ASIC2: variants seen among roughly 807,000 people sequenced by gnomAD.
ASIC2 encodes acid sensing ion channel subunit 2.
Under a neutral mutation model 57.3 loss-of-function variants are expected in ASIC2, and 25 were observed. That is an observed-to-expected ratio of 0.44 (90% CI 0.32 to 0.61). The LOEUF is 0.61. Among genes scored for constraint, ASIC2 ranks in the 20% least tolerant of loss-of-function variants. The pLI is 0.06. For missense variants in ASIC2, 641 were observed against 738.1 expected (o/e 0.87, Z 1.52); for synonymous variants, 319 against 307.5 (o/e 1.04, Z -0.39).
At chr17:33,824,260 C>T (rs200808904) in intron 1 of ASIC2, among the ~76,000 whole-genome samples, 3 of 152,098 alleles carry the variant, frequency 2.0e-5, no homozygotes, top group South Asian at 2.1e-4. Context: ...TAGGTAACTC[C>T]GTGTCCTTCA....
At chr17:33,854,987 C>T (rs141761917) in intron 1 of ASIC2, among the ~76,000 whole-genome samples, 40 of 152,266 alleles carry the variant, frequency 2.6e-4, no homozygotes, top group African/African-American at 9.4e-4. Flanking sequence ...CTGCTAGGGG[C>T]CAACTGAGTT....
At chr17:34,062,518 G>T (rs1164242152) in intron 1 of ASIC2, among the ~76,000 whole-genome samples, 2 of 152,026 alleles carry the variant, frequency 1.3e-5, no homozygotes, top group Admixed American at 6.5e-5. Context: ...AAATAACCAA[G>T]ATCAGAGCAG....
intron 1 of ASIC2, among the ~76,000 whole-genome samples, chr17:33,567,235 G>A (rs1490721024): frequency 6.6e-6 from 1 of 152,046 alleles, no homozygotes; most frequent in Admixed American, 6.5e-5. Context: ...GCCTTATGAA[G>A]GTCTGAGAGA....
chr17:34,131,828 G>A (rs1000037537), intron 1 of ASIC2, among the ~76,000 whole-genome samples: 4 of 152,218 alleles, frequency 2.6e-5, no homozygotes, highest in African/African-American at 9.7e-5. Flanking sequence ...GCCCTGAAAG[G>A]TCTGAGAATC....
chr17:33,264,543 C>T (rs1909394102), intron 1 of ASIC2, among the ~76,000 whole-genome samples: 1 of 152,254 alleles, frequency 6.6e-6, no homozygotes, highest in Non-Finnish European at 1.5e-5. Flanking sequence ...CACTGCATCC[C>T]ATACCAGGCC....
intron 1 of ASIC2, among the ~76,000 whole-genome samples, chr17:34,129,547 A>G (rs1264524829): frequency 6.6e-6 from 1 of 152,162 alleles, no homozygotes; most frequent in African/African-American, 2.4e-5. Context: ...AATTCCCAAA[A>G]TTATTCTCTA....
At position 33,833,513 on chromosome 17, in the gene ASIC2, C is replaced by CGT. The variant is rs142945917; in HGVS notation, c.555+322463_555+322464dup. The stretch of plus-strand genomic sequence containing the variant: ...CTTTGTCTGTGTGTGTGTGTATGTG[C>CGT]GTGTGTGTGTGTGTGTACCTATGTG... On this transcript the variant is annotated intron_variant, in intron 1 of 9. Coordinates refer to the ASIC2 transcript ENST00000359872. Among the ~76,000 whole-genome samples, 1,098 of 149,290 alleles carry CGT rather than the reference C, an allele frequency of 7.4e-3. 14 individuals are homozygous for CGT. The highest frequency in any genetic ancestry group is 0.025 in the African/African-American group (1,025 of 40,886).
intron 1 of ASIC2, among the ~76,000 whole-genome samples, chr17:33,715,109 C>T (rs902455567): frequency 6.6e-6 from 1 of 151,966 alleles, no homozygotes; most frequent in Non-Finnish European, 1.5e-5. Flanking sequence ...AAGTGATCCT[C>T]TTGCCTCAGC....
In ASIC2 at chr17:33,291,672, C is replaced by T. The variant is rs753539011; in HGVS notation, c.444G>A (p.Lys148=). The change falls in exon 1 of 10, where the codon AAG becomes AAA. Residue 148 remains lysine, a synonymous_variant. Coordinates refer to ENST00000225823, the MANE Select transcript of ASIC2 (RefSeq NM_183377.2). ...NNPLRFPRLS[K]GDLYYAGHWL... is the part of the protein sequence containing the mutation. ...AGTGGCCGGCATAGTAGAGGTCCCC[C>T]TTGGAGAGGCGCGGGAAGCGCAGCG... 8 of 1,613,312 alleles carry T rather than the reference C, an allele frequency of 5.0e-6. No individual in the cohort carries two copies. The Admixed American group carries it at 1.0e-4, about 20-fold the overall frequency.
chr17:33,848,313 G>A (rs1433882444), intron 1 of ASIC2, among the ~76,000 whole-genome samples: 2 of 152,200 alleles, frequency 1.3e-5, no homozygotes, highest in African/African-American at 2.4e-5. Flanking sequence ...AGGTTACCCA[G>A]TGGGGCATCC....
intron 3 of ASIC2, among the ~76,000 whole-genome samples, chr17:33,058,746 C>T (rs544062410): frequency 6.6e-6 from 1 of 152,206 alleles, no homozygotes; most frequent in Admixed American, 6.5e-5. Flanking sequence ...CTCATTACCC[C>T]TGATGCAGTC....
At chr17:34,042,357 A>C (rs1422846575) in intron 1 of ASIC2, among the ~76,000 whole-genome samples, 1 of 152,206 alleles carries the variant, frequency 6.6e-6, no homozygotes. Flanking sequence ...AAACAATAGA[A>C]TACTACTCAA....
At chr17:34,131,109 AG>A (rs143827258) in intron 1 of ASIC2, among the ~76,000 whole-genome samples, 17,587 of 152,222 alleles carry the variant, frequency 0.12, 1,123 homozygotes, top group African/African-American at 0.16. Context: ...CAGTGGGGAA[AG>A]AAAGCCTTCG....
intron 1 of ASIC2, among the ~76,000 whole-genome samples, chr17:33,610,782 A>C (rs953500597): frequency 1.3e-5 from 2 of 152,288 alleles, no homozygotes; most frequent in South Asian, 2.1e-4. Context: ...GTAGTACCAG[A>C]TCCTTGGGAG....
At chr17:33,619,788 T>G (rs1905721797) in intron 1 of ASIC2, among the ~76,000 whole-genome samples, 1 of 152,100 alleles carries the variant, frequency 6.6e-6, no homozygotes, top group Admixed American at 6.5e-5. Flanking sequence ...TTGATGACCT[T>G]TTCTGTGATG....
At chr17:33,346,183 T>C (rs1187763235) in intron 1 of ASIC2, among the ~76,000 whole-genome samples, 2 of 133,858 alleles carry the variant, frequency 1.5e-5, no homozygotes, top group Admixed American at 1.7e-4. Flanking sequence ...ACCGAGATTG[T>C]GCCACTGCAC....
At chr17:33,628,293 CTT>C (rs796936645) in intron 1 of ASIC2, among the ~76,000 whole-genome samples, 31 of 143,502 alleles carry the variant, frequency 2.2e-4, no homozygotes, top group Admixed American at 1.4e-3. Context: ...CCTGTCTGGT[CTT>C]TTTTTTTTTT....
At chr17:33,131,464 G>T (rs2092345723) in intron 1 of ASIC2, 1 of 152,618 alleles carries the variant, frequency 6.6e-6, no homozygotes, top group South Asian at 2.1e-4. Flanking sequence ...GAATCACTCA[G>T]CTACAGCCTT....
chr17:33,985,884 C>T (rs1325461291), intron 1 of ASIC2, among the ~76,000 whole-genome samples: 2 of 152,194 alleles, frequency 1.3e-5, no homozygotes, highest in Non-Finnish European at 2.9e-5. Context: ...ACACAATAGG[C>T]ATCCCTCAGC....
Sources: gnomAD v4.1 joint callset for allele counts (sites outside exome capture counted in the v4.1 genomes callset) on GRCh38, gnomAD v4.1.1 for gene constraint, MANE v1.5 for transcripts, NCBI Gene and HGNC (gene_info 2026-07-23, HGNC 2026-07-21) for gene names.